Variants in NPFFR1 observed in about 807,000 individuals in gnomAD.
NPFFR1 encodes the protein G-protein coupled receptor 147.
A neutral mutation model predicts 12.7 loss-of-function variants in NPFFR1; 17 were observed. The ratio of observed to expected loss-of-function variants is 1.34; its 90% CI spans 0.92 to 2.01. The LOEUF (loss-of-function observed/expected upper bound fraction) is 2.01. NPFFR1 is among the 30% of genes most tolerant of loss of function. The pLI, the probability that NPFFR1 is intolerant of heterozygous loss-of-function variation, is 0.00. For synonymous variants in NPFFR1, 296 were observed against 264.5 expected, an observed-to-expected ratio of 1.12 and a Z score of -1.16; for missense variants, 604 against 606.5, an observed-to-expected ratio of 1.00 and a Z score of 0.04.
intron 1 of NPFFR1, among the ~76,000 whole-genome samples, chr10:70,279,007 G>C (rs1840832862): frequency 6.6e-6 from 1 of 151,904 alleles, no homozygotes; most frequent in Non-Finnish European, 1.5e-5. Flanking sequence ...ATAAATTTTT[G>C]GGATAAAAAG....
rs145560393 is a variant in NPFFR1 at position 70,265,793 on chromosome 10, G to T, written c.322+284C>A. Among the ~76,000 whole-genome samples the T allele has an allele frequency of 5.3e-3, 807 of 152,348 alleles. 2 individuals carry two copies. The highest frequency in any genetic ancestry group is 8.7e-3 in the Non-Finnish European group (593 of 68,040). ...CATGTTTCCTCTTCCATAAAATGGG[G>T]AGGACCATAAACTCTACTTCACTGG... is the stretch of plus-strand genomic sequence containing the variant. On this transcript the variant is annotated intron_variant, in intron 2 of 3. Coordinates refer to ENST00000277942, the MANE Select transcript of NPFFR1 (RefSeq NM_022146.5).
intron 1 of NPFFR1, 44 bp downstream of exon 1, chr10:70,283,626 G>A: frequency 6.6e-7 from 1 of 1,522,376 alleles, no homozygotes; most frequent in Admixed American, 2.0e-5. Context: ...CCCCGGAGTC[G>A]GTACCCTGCC....
Position 70,248,467 on chromosome 10 carries a change from G to GTGTTTTTTTT in NPFFR1, c.*6489_*6490insAAAAAAAACA. The GTGTTTTTTTT allele has an allele frequency of 1.0e-5, 1 of 96,744 alleles. No homozygotes were observed. The highest frequency in any genetic ancestry group is 4.0e-4 in the South Asian group (1 of 2,528). The allele number at this position is 96,744 out of a possible 1,614,324, so 6.0% of individuals were successfully genotyped here. The stretch of plus-strand genomic sequence containing the variant: ...CAAAGTACGTAGTACTATGCCTGGC[G>GTGTTTTTTTT]TTTTTTTTTTGTTTTTTGTTTTTTT... On this transcript the variant is annotated 3_prime_UTR_variant, in exon 4 of 4. Coordinates refer to ENST00000277942, the MANE Select transcript of NPFFR1 (RefSeq NM_022146.5).
intron 2 of NPFFR1, among the ~76,000 whole-genome samples, chr10:70,265,605 T>G (rs1314212862): frequency 6.6e-6 from 1 of 152,212 alleles, no homozygotes; most frequent in East Asian, 1.9e-4. Flanking sequence ...GAAACCTGCC[T>G]CCCTTCCACT....
In NPFFR1 at chr10:70,283,969, C is replaced by G. The variant is rs568759928; in HGVS notation, c.-293G>C. On this transcript the variant is annotated 5_prime_UTR_variant, in exon 1 of 4. Coordinates refer to ENST00000277942, the MANE Select transcript of NPFFR1 (RefSeq NM_022146.5). ...CCTCCCGACCAGGGGAAGGAGGGGG[C>G]TCGTGAGGCGCAGTCGTCATGGCAC... Among the ~76,000 whole-genome samples, 154 of 152,250 alleles carry G rather than the reference C, an allele frequency of 1.0e-3. No homozygotes were observed. The highest frequency in any genetic ancestry group is 3.6e-3 in the African/African-American group (150 of 41,566).
In NPFFR1 at chr10:70,251,557, GAC is replaced by G. The variant is rs1271486260; in HGVS notation, c.*3398_*3399del. 1 of 152,342 alleles carries G rather than the reference GAC, an allele frequency of 6.6e-6. No homozygotes were observed. The highest frequency in any genetic ancestry group is 1.5e-5 in the Non-Finnish European group (1 of 68,124). The allele number at this position is 152,342 out of a possible 1,614,324, so 9.4% of individuals were successfully genotyped here. On this transcript the variant is annotated 3_prime_UTR_variant, in exon 4 of 4. Coordinates refer to ENST00000277942, the MANE Select transcript of NPFFR1 (RefSeq NM_022146.5). Reference sequence around the variant, plus strand: ...ACTCATGCCGCACATGGCAGGACAGGACACAGAGTCCCTCCAGGAGGCCCTCT... The same window carrying G: ...ACTCATGCCGCACATGGCAGGACAGGACAGAGTCCCTCCAGGAGGCCCTCT...
chr10:70,272,244 G>GAAAGAAAGAAAAAAAGA (rs60571634), intron 1 of NPFFR1, among the ~76,000 whole-genome samples: 1 of 64,406 alleles, frequency 1.6e-5, no homozygotes, highest in African/African-American at 6.6e-5. Context: ...AAGAAAGAAA[G>GAAAGAAAGAAAAAAAGA]AAGAAAGAAG....
Position 70,247,487 on chromosome 10 carries a change from A to C in NPFFR1, c.*7470T>G, listed in dbSNP as rs1160737703. ...ACTATGGACAAACAAAATGCACTAC[A>C]CAACATACTCCTCCTGGGGGGCAGT... On this transcript the variant is annotated 3_prime_UTR_variant, in exon 4 of 4. Coordinates refer to ENST00000277942, the MANE Select transcript of NPFFR1 (RefSeq NM_022146.5). The C allele has an allele frequency of 6.6e-6, 1 of 152,208 alleles. No individual in the cohort carries two copies. Among genetic ancestry groups the C allele is most frequent in the East Asian group, 1.9e-4 (1 of 5,202 alleles). The allele number at this position is 152,208 out of a possible 1,614,324, so 9.4% of individuals were successfully genotyped here.
At chr10:70,259,290 CAA>C (rs111951575) in intron 3 of NPFFR1, among the ~76,000 whole-genome samples, 1 of 131,106 alleles carries the variant, frequency 7.6e-6, no homozygotes. Flanking sequence ...TCTCCCCCCT[CAA>C]AAAAAAAAAA....
chr10:70,258,215 C>T (rs192742675), intron 3 of NPFFR1, among the ~76,000 whole-genome samples: 7 of 152,056 alleles, frequency 4.6e-5, no homozygotes, highest in South Asian at 2.1e-4. Flanking sequence ...GGCAGGCCAC[C>T]CCTTCACAGG....
intron 1 of NPFFR1, among the ~76,000 whole-genome samples, chr10:70,267,007 C>G (rs144569759): frequency 6.6e-6 from 1 of 152,200 alleles, no homozygotes; most frequent in African/African-American, 2.4e-5. Context: ...GGTGCTTCAC[C>G]GTTTCTGGCT....
In NPFFR1 at chr10:70,250,750, A is replaced by G. The variant is rs557328486; in HGVS notation, c.*4207T>C. ...ACTGACTATAAATTAGCACAAGGAA[A>G]CATTTTAGGATGATGAAAATATCTT... is the stretch of plus-strand genomic sequence containing the variant. On this transcript the variant is annotated 3_prime_UTR_variant, in exon 4 of 4. Transcript: ENST00000277942. The G allele has an allele frequency of 1.3e-5, 2 of 152,352 alleles. No individual in the cohort carries two copies. Among genetic ancestry groups the G allele is most frequent in the East Asian group, 3.9e-4 (2 of 5,192 alleles). The allele number at this position is 152,352 out of a possible 1,614,324, so 9.4% of individuals were successfully genotyped here. A position where few individuals can be genotyped will look rare whatever the true frequency, so the allele number is the denominator to read the frequency against.
intron 2 of NPFFR1, among the ~76,000 whole-genome samples, chr10:70,264,328 C>T (rs1840666118): frequency 8.0e-6 from 1 of 125,112 alleles, no homozygotes; most frequent in African/African-American, 3.1e-5. Context: ...GAGCCGAGAT[C>T]CCAGCACTGC....
intron 1 of NPFFR1, among the ~76,000 whole-genome samples, chr10:70,280,782 T>A (rs1448434616): frequency 6.6e-6 from 1 of 152,158 alleles, no homozygotes; most frequent in Non-Finnish European, 1.5e-5. Flanking sequence ...GGCGGGCAGA[T>A]CACGAGGTCA....
rs186237804 is a variant in NPFFR1, at chr10:70,259,698, G to A, written c.422+942C>T. ...CAGGGTTAAGATATGCCTGTGCTGG[G>A]GAGAGAACAAGGAGGAGGGGATGGG... On this transcript the variant is annotated intron_variant, in intron 3 of 3. Coordinates refer to ENST00000277942, the MANE Select transcript of NPFFR1 (RefSeq NM_022146.5). Among the ~76,000 whole-genome samples the A allele has an allele frequency of 2.6e-3, 395 of 152,290 alleles. 6 individuals carry two copies. The highest frequency in any genetic ancestry group is 8.9e-3 in the African/African-American group (371 of 41,554).
intron 3 of NPFFR1, among the ~76,000 whole-genome samples, chr10:70,256,566 G>A (rs1229479444): frequency 6.6e-6 from 1 of 152,198 alleles, no homozygotes; most frequent in African/African-American, 2.4e-5. Context: ...ATGTCATCTT[G>A]GCCATAGTAT....
chr10:70,273,425 C>T (rs1366585304), intron 1 of NPFFR1, among the ~76,000 whole-genome samples: 1 of 152,170 alleles, frequency 6.6e-6, no homozygotes, highest in Non-Finnish European at 1.5e-5. Context: ...CCTAGGGCTT[C>T]CTTTTGTTAT....
chr10:70,255,074 C>A lies in NPFFR1; in HGVS notation c.1176G>T (p.Gly392=), dbSNP rs1344061376. ...GCGGGAGGCGGCCGGGCCTGGGGGC[C>A]CCACTGCTAGGGCCCGACTCAGAGG... is the stretch of plus-strand genomic sequence containing the variant. ...GLPSESGPSS[G]APRPGRLPLR... The change falls in exon 4 of 4, where the codon GGG becomes GGT. Residue 392 remains glycine (G), a synonymous_variant. Transcript: ENST00000277942. This position sits in a 1 kb window ranked among gnomAD's most constrained non-coding sequence, Gnocchi z 4.2. 1.4e-6 allele frequency: 2 copies of A among 1,443,022 alleles called. No homozygotes were observed. The highest frequency in any genetic ancestry group is 3.0e-5 in the African/African-American group (2 of 67,302). The allele number at this position is 1,443,022 out of a possible 1,614,324, so 89.4% of individuals were successfully genotyped here.
In NPFFR1 at chr10:70,254,913, C is replaced by T; in HGVS notation, c.*44G>A. Reference sequence around the variant, plus strand: ...GCTATCGCCTGCATGTATCTCGTGTCCAATCGGGGCCCTGAGGCAGCGTCC... The same window carrying T: ...GCTATCGCCTGCATGTATCTCGTGTTCAATCGGGGCCCTGAGGCAGCGTCC... On this transcript the variant is annotated 3_prime_UTR_variant, in exon 4 of 4. Transcript: ENST00000277942. The T allele has an allele frequency of 7.2e-7, 1 of 1,386,558 alleles. No individual in the cohort carries two copies. Among genetic ancestry groups the T allele is most frequent in the Non-Finnish European group, 9.3e-7 (1 of 1,076,360 alleles). 85.9% of individuals were successfully genotyped at this position (1,386,558 alleles called of 1,614,324 possible).
Sources: allele counts gnomAD v4.1 joint callset (sites outside exome capture counted in the v4.1 genomes callset), GRCh38; gene constraint gnomAD v4.1.1; non-coding constraint Gnocchi (gnomAD v3.1); transcripts MANE v1.5; gene names NCBI Gene and HGNC (gene_info 2026-07-23, HGNC 2026-07-21).